TIMP3: variants seen among roughly 807,000 people sequenced by gnomAD.
TIMP3 encodes metalloproteinase inhibitor 3.
Under a neutral mutation model 30.0 loss-of-function variants are expected in TIMP3, and 11 were observed. That is an observed-to-expected ratio of 0.37 (90% CI 0.23 to 0.61). The LOEUF is 0.61. Among genes scored for constraint, TIMP3 ranks in the 20% least tolerant of loss-of-function variants. TIMP3 has a pLI of 0.70. For missense variants in TIMP3, 181 were observed against 276.8 expected (o/e 0.65, Z 2.45); for synonymous variants, 112 against 111.3 (o/e 1.01, Z -0.04).
chr22:32,844,927 C>T (rs1179232749), intron 1 of TIMP3, among the ~76,000 whole-genome samples: 1 of 152,168 alleles, frequency 6.6e-6, no homozygotes, highest in Non-Finnish European at 1.5e-5. Context: ...CAAGGTCTCA[C>T]TGTGTTGCCC....
intron 2 of TIMP3, among the ~76,000 whole-genome samples, chr22:32,854,238 G>T (rs1601546925): frequency 6.6e-6 from 1 of 152,152 alleles, no homozygotes; most frequent in Non-Finnish European, 1.5e-5. Flanking sequence ...CGCTATGTTT[G>T]TCAGAGCCAG....
intron 1 of TIMP3, among the ~76,000 whole-genome samples, chr22:32,836,868 G>A (rs2047746437): frequency 6.6e-6 from 1 of 152,208 alleles, no homozygotes; most frequent in East Asian, 1.9e-4. Context: ...CATCTGTGCT[G>A]TATAAAATCC....
intron 2 of TIMP3, among the ~76,000 whole-genome samples, chr22:32,853,194 G>A (rs565858209): frequency 9.2e-5 from 14 of 152,316 alleles, no homozygotes; most frequent in African/African-American, 1.4e-4. Context: ...TGCAATGCCC[G>A]TGGTTCTTCC....
At chr22:32,855,625 A>G (rs1191103877) in intron 2 of TIMP3, among the ~76,000 whole-genome samples, 1 of 152,186 alleles carries the variant, frequency 6.6e-6, no homozygotes, top group Non-Finnish European at 1.5e-5. Flanking sequence ...GTGGGCTAAT[A>G]TTAAAGGAGA....
intron 2 of TIMP3, among the ~76,000 whole-genome samples, chr22:32,854,349 G>A (rs557015348): frequency 2.6e-5 from 4 of 152,214 alleles, no homozygotes; most frequent in Non-Finnish European, 5.9e-5. Context: ...AGCTGATTTC[G>A]ATGAGTTGAG....
intron 1 of TIMP3, among the ~76,000 whole-genome samples, chr22:32,811,531 A>G (rs1347735580): frequency 6.6e-6 from 1 of 152,164 alleles, no homozygotes; most frequent in African/African-American, 2.4e-5. Flanking sequence ...CCCCGCCTCC[A>G]AATCTAATGT....
chr22:32,852,090 C>G (rs977101368), intron 2 of TIMP3, among the ~76,000 whole-genome samples: 1 of 152,226 alleles, frequency 6.6e-6, no homozygotes, highest in African/African-American at 2.4e-5. Context: ...TCTGCTAGGT[C>G]TTTGCATAGA....
At chr22:32,816,912 C>A (rs1204325360) in intron 1 of TIMP3, among the ~76,000 whole-genome samples, 1 of 152,192 alleles carries the variant, frequency 6.6e-6, no homozygotes, top group African/African-American at 2.4e-5. Flanking sequence ...GATCCTTGCA[C>A]CACCAATCTT....
chr22:32,816,952 G>A (rs756240319), intron 1 of TIMP3, among the ~76,000 whole-genome samples: 7 of 152,120 alleles, frequency 4.6e-5, no homozygotes. Context: ...CGGGCACAGC[G>A]GCTCACGCAT....
intron 2 of TIMP3, among the ~76,000 whole-genome samples, chr22:32,856,537 A>G (rs954770482): frequency 2.6e-5 from 4 of 152,144 alleles, no homozygotes; most frequent in African/African-American, 7.2e-5. Flanking sequence ...TATTTTATTG[A>G]TACATAATAA....
intron 1 of TIMP3, among the ~76,000 whole-genome samples, chr22:32,847,550 G>T (rs1363537048): frequency 6.6e-6 from 1 of 152,172 alleles, no homozygotes; most frequent in Non-Finnish European, 1.5e-5. Flanking sequence ...AGCTCATTTG[G>T]AAAGAAACAA....
intron 1 of TIMP3, among the ~76,000 whole-genome samples, chr22:32,814,793 G>A (rs2047043616): frequency 6.6e-6 from 1 of 152,050 alleles, no homozygotes; most frequent in Non-Finnish European, 1.5e-5. Flanking sequence ...GAGACAGAAA[G>A]GGAAAAAAAC....
Position 32,857,253 on chromosome 22 carries a change from A to G in TIMP3, c.209A>G (p.Tyr70Cys), listed in dbSNP as rs2048395121. Residue 70 changes from tyrosine to cysteine, a missense_variant, in exon 3 of 5, where the codon TAC becomes TGC. Tyr to Cys is a radical substitution (Grantham distance 194). Coordinates refer to ENST00000266085, the MANE Select transcript of TIMP3 (RefSeq NM_000362.5). ...LVYTIKQMKMYRGFTKMPHVQ... is the reference protein window; with the variant it reads ...LVYTIKQMKMCRGFTKMPHVQ... Reference sequence around the variant, plus strand: ...TGATGTTCCTTTTGCCCACAGATGTACCGAGGCTTCACCAAGATGCCCCAT... The same window carrying G: ...TGATGTTCCTTTTGCCCACAGATGTGCCGAGGCTTCACCAAGATGCCCCAT... 6.2e-7 allele frequency: 1 copy of G among 1,613,430 alleles called. No homozygotes were observed.
At chr22:32,818,319 CA>C (rs1239124014) in intron 1 of TIMP3, among the ~76,000 whole-genome samples, 2 of 152,092 alleles carry the variant, frequency 1.3e-5, no homozygotes, top group African/African-American at 2.4e-5. Context: ...TGCGGTCCAT[CA>C]GGGGCACTCA....
rs139724807 is a variant in TIMP3 at position 32,814,061 on chromosome 22, A to G, written c.121+11939A>G. On this transcript the variant is annotated intron_variant, in intron 1 of 4. Transcript: ENST00000266085. Reference sequence around the variant, plus strand: ...TTCAATAAAAGTATCATGAATGAATAAGAACATTTGAGAAAGACAGCATTC... The same window carrying G: ...TTCAATAAAAGTATCATGAATGAATGAGAACATTTGAGAAAGACAGCATTC... Among the ~76,000 whole-genome samples, 938 of 151,286 alleles carry G rather than the reference A, an allele frequency of 6.2e-3. 13 individuals are homozygous for G. Among genetic ancestry groups the G allele is most frequent in the African/African-American group, 0.02 (822 of 41,150 alleles).
At position 32,859,126 on chromosome 22, in the gene TIMP3, G is replaced by C. The variant is rs184622258; in HGVS notation, c.439-54G>C. ...CTGAATCCAGGCTCGGTAGCCTCAG[G>C]CCTGGGCATACCATGGCAGAGTCCA... On this transcript the variant is annotated intron_variant, in intron 4 of 4. Coordinates refer to ENST00000266085, the MANE Select transcript of TIMP3 (RefSeq NM_000362.5). 3.9e-4 allele frequency: 618 copies of C among 1,599,504 alleles called. 2 individuals carry two copies. The highest frequency in any genetic ancestry group is 1.7e-3 in the Admixed American group (102 of 60,002).
chr22:32,843,036 C>G (rs2047957949), intron 1 of TIMP3, among the ~76,000 whole-genome samples: 1 of 152,086 alleles, frequency 6.6e-6, no homozygotes, highest in Non-Finnish European at 1.5e-5. Context: ...GTGTGAAATC[C>G]CATGTAAAGG....
At chr22:32,846,831 C>T (rs987129757) in intron 1 of TIMP3, among the ~76,000 whole-genome samples, 4 of 152,190 alleles carry the variant, frequency 2.6e-5, no homozygotes, top group African/African-American at 9.7e-5. Context: ...TGGTGGAACC[C>T]AAACTTCAAT....
At chr22:32,808,000 GA>G (rs1403150909) in intron 1 of TIMP3, among the ~76,000 whole-genome samples, 1 of 151,884 alleles carries the variant, frequency 6.6e-6, no homozygotes, top group Non-Finnish European at 1.5e-5. Flanking sequence ...TTGTCTCTTT[GA>G]AAGGGAGCAA....
Sources: gnomAD v4.1 joint callset for allele counts (sites outside exome capture counted in the v4.1 genomes callset) on GRCh38, gnomAD v4.1.1 for gene constraint, MANE v1.5 for transcripts, NCBI Gene and HGNC (gene_info 2026-07-23, HGNC 2026-07-21) for gene names.